The following ABTB2 variants were observed in gnomAD, a reference collection of about 807,000 sequenced individuals.
ABTB2 encodes the protein ankyrin repeat and BTB/POZ domain-containing protein 2.
In ABTB2, 56 loss-of-function variants were observed where a neutral mutation model predicts 104.1. That is an observed-to-expected ratio of 0.54 (90% CI 0.43 to 0.67). The LOEUF (loss-of-function observed/expected upper bound fraction) is 0.67, where lower values mean the gene tolerates loss of function less well. Among genes scored for constraint, ABTB2 ranks in the 30% least tolerant of loss-of-function variants. ABTB2 has a pLI of 0.00. For missense variants in ABTB2, 1,279 were observed against 1,407.7 expected, an observed-to-expected ratio of 0.91 and a Z score of 1.46; for synonymous variants, 606 against 608.2, an observed-to-expected ratio of 1.00 and a Z score of 0.05.
At chr11:34,338,555 A>C (rs1855221866) in intron 1 of ABTB2, among the ~76,000 whole-genome samples, 2 of 151,472 alleles carry the variant, frequency 1.3e-5, no homozygotes, top group South Asian at 4.2e-4. Flanking sequence ...AAAAAAAAAA[A>C]ATTAGCCGGG....
intron 4 of ABTB2, 93 bp downstream of exon 4, chr11:34,173,062 C>T: frequency 3.3e-6 from 5 of 1,525,598 alleles, no homozygotes. Context: ...GCTCTCTGAC[C>T]CCCGCCCAGC....
intron 1 of ABTB2, among the ~76,000 whole-genome samples, chr11:34,214,139 A>AACACACAC (rs10529537): frequency 0.34 from 46,868 of 138,936 alleles, 8,570 homozygotes; most frequent in Non-Finnish European, 0.41. Flanking sequence ...GCACATTCAA[A>AACACACAC]ACACACACAC....
chr11:34,195,570 C>T (rs116771269), intron 3 of ABTB2, among the ~76,000 whole-genome samples: 209 of 152,308 alleles, frequency 1.4e-3, no homozygotes, highest in African/African-American at 4.8e-3. Context: ...CCCTACTATG[C>T]GTGTACTGGG....
intron 1 of ABTB2, among the ~76,000 whole-genome samples, chr11:34,243,559 C>T (rs1380282374): frequency 2.0e-5 from 3 of 152,238 alleles, no homozygotes; most frequent in African/African-American, 7.2e-5. Flanking sequence ...CTTGATATCA[C>T]CTTTGATCCG....
chr11:34,264,911 A>G (rs1478010816), intron 1 of ABTB2, among the ~76,000 whole-genome samples: 2 of 152,176 alleles, frequency 1.3e-5, no homozygotes, highest in East Asian at 1.9e-4. Flanking sequence ...AGATTTCACA[A>G]TATCTCTCCT....
chr11:34,173,294 G>C lies in ABTB2; in HGVS notation c.1258C>G (p.Leu420Val), dbSNP rs772459050. The change falls in exon 4 of 17, where the codon CTG (leucine) becomes GTG (valine). Residue 420 changes from leucine to valine, a missense_variant. By Grantham distance (32) the Leu-to-Val change is conservative. Coordinates refer to ENST00000435224, the MANE Select transcript of ABTB2 (RefSeq NM_145804.3). Reference protein sequence around the residue: ...TLNNERPFMLLPPLMEWMRVA... With the variant: ...TLNNERPFMLVPPLMEWMRVA... ...CGCATCCACTCCATGAGGGGCGGCA[G>C]CAGCATGAAGGGCCTGTGGGGCAGC... The C allele has an allele frequency of 1.6e-5, 25 of 1,598,064 alleles. No homozygotes were observed. The South Asian group carries it at 2.6e-4, about 17-fold the overall frequency.
chr11:34,300,245 A>G (rs1358326272), intron 1 of ABTB2, among the ~76,000 whole-genome samples: 2 of 152,206 alleles, frequency 1.3e-5, no homozygotes, highest in East Asian at 3.8e-4. Context: ...ATCAGACTGC[A>G]TTCAGCGTTG....
In ABTB2 at chr11:34,272,445, C is replaced by T. The variant is rs148257407; in HGVS notation, c.884-67755G>A. On this transcript the variant is annotated intron_variant, in intron 1 of 16. Coordinates refer to ENST00000435224, the MANE Select transcript of ABTB2 (RefSeq NM_145804.3). Reference sequence around the variant, plus strand: ...TTGGCAGGCCAAGCGTGGTGGCTCACGCCTGTGATCCCAGCACTTTGGGAG... The same window carrying T: ...TTGGCAGGCCAAGCGTGGTGGCTCATGCCTGTGATCCCAGCACTTTGGGAG... Among the ~76,000 whole-genome samples the T allele has an allele frequency of 5.7e-3, 869 of 152,030 alleles. 9 individuals are homozygous for T. The highest frequency in any genetic ancestry group is 0.019 in the African/African-American group (789 of 41,424).
intron 1 of ABTB2, among the ~76,000 whole-genome samples, chr11:34,351,267 T>C (rs1032140194): frequency 2.0e-5 from 3 of 151,338 alleles, no homozygotes; most frequent in African/African-American, 4.9e-5. Flanking sequence ...TTCTGAGCAA[T>C]AGTCATCAAC....
intron 1 of ABTB2, among the ~76,000 whole-genome samples, chr11:34,258,911 G>C (rs567120346): frequency 6.6e-6 from 1 of 152,296 alleles, no homozygotes; most frequent in East Asian, 1.9e-4. Flanking sequence ...AGAAGTGCCT[G>C]CTCTTGTTAG....
chr11:34,244,646 C>T (rs1322006265), intron 1 of ABTB2, among the ~76,000 whole-genome samples: 1 of 152,120 alleles, frequency 6.6e-6, no homozygotes, highest in African/African-American at 2.4e-5. Flanking sequence ...TCTCCCAACC[C>T]CCAATGTACT....
At chr11:34,324,429 T>C (rs1855043186) in intron 1 of ABTB2, among the ~76,000 whole-genome samples, 2 of 152,262 alleles carry the variant, frequency 1.3e-5, no homozygotes, top group Admixed American at 1.3e-4. Flanking sequence ...CTCCAGACAG[T>C]GATGATTGAT....
chr11:34,213,831 A>T (rs1853515989), intron 1 of ABTB2, among the ~76,000 whole-genome samples: 1 of 152,190 alleles, frequency 6.6e-6, no homozygotes, highest in South Asian at 2.1e-4. Flanking sequence ...ACATTGGGCA[A>T]TGTGGGGCAG....
intron 10 of ABTB2, among the ~76,000 whole-genome samples, chr11:34,161,964 C>T (rs1466092754): frequency 6.6e-6 from 1 of 152,076 alleles, no homozygotes; most frequent in African/African-American, 2.4e-5. Flanking sequence ...ATGACAGTGA[C>T]GGTGCTGTCA....
At chr11:34,258,605 C>CTTTCTGCTCTTT (rs1854151915) in intron 1 of ABTB2, among the ~76,000 whole-genome samples, 1 of 95,172 alleles carries the variant, frequency 1.1e-5, no homozygotes, top group African/African-American at 4.3e-5. Flanking sequence ...AGTGCCTGCT[C>CTTTCTGCTCTTT]TTTTTTTTTT....
intron 1 of ABTB2, among the ~76,000 whole-genome samples, chr11:34,220,768 C>T (rs968556919): frequency 6.6e-6 from 1 of 152,160 alleles, no homozygotes; most frequent in Non-Finnish European, 1.5e-5. Flanking sequence ...TATCAATTTG[C>T]TAGGGCTGCC....
chr11:34,353,508 T>G (rs1009305019), intron 1 of ABTB2, among the ~76,000 whole-genome samples: 3 of 151,656 alleles, frequency 2.0e-5, no homozygotes, highest in African/African-American at 7.2e-5. Context: ...CATGAAGATA[T>G]CATCATTTAA....
chr11:34,249,092 G>GCACTC (rs1854022855), intron 1 of ABTB2, among the ~76,000 whole-genome samples: 3 of 152,244 alleles, frequency 2.0e-5, no homozygotes, highest in Admixed American at 2.0e-4. Flanking sequence ...TCGTGCCATT[G>GCACTC]CACTCTAGCC....
At chr11:34,351,887 T>C (rs559722423) in intron 1 of ABTB2, among the ~76,000 whole-genome samples, 69 of 152,224 alleles carry the variant, frequency 4.5e-4, no homozygotes, top group African/African-American at 1.6e-3. Context: ...CTCTACCTTG[T>C]TCCTCTTACT....
Sources: gnomAD v4.1 joint callset for allele counts (sites outside exome capture counted in the v4.1 genomes callset) on GRCh38, gnomAD v4.1.1 for gene constraint, MANE v1.5 for transcripts, NCBI Gene and HGNC (gene_info 2026-07-23, HGNC 2026-07-21) for gene names.